Variants in DNAH14 observed in about 807,000 individuals in gnomAD.
DNAH14 encodes the protein dynein axonemal heavy chain 14.
Under a neutral mutation model 520.9 loss-of-function variants are expected in DNAH14, and 478 were observed. The ratio of observed to expected loss-of-function variants is 0.92; its 90% confidence interval spans 0.85 to 0.99. DNAH14 has a LOEUF of 0.99. Ranked by LOEUF, DNAH14 falls within the 50% of genes least tolerant of loss-of-function variation. The pLI, the probability that DNAH14 is intolerant of heterozygous loss-of-function variation, is 0.00. For missense variants in DNAH14, 4,831 were observed against 5,234.5 expected, an observed-to-expected ratio of 0.92 and a Z score of 2.38; for synonymous variants, 1,581 against 1,757.2, an observed-to-expected ratio of 0.90 and a Z score of 2.51.
intron 41 of DNAH14, among the ~76,000 whole-genome samples, chr1:225,229,321 G>T (rs1240196245): frequency 2.6e-5 from 4 of 152,214 alleles, no homozygotes; most frequent in Non-Finnish European, 5.9e-5. Context: ...CTGTTGGTGG[G>T]AGTGTAAATT....
At chr1:225,114,115 C>G (rs1176021845) in intron 23 of DNAH14, among the ~76,000 whole-genome samples, 1 of 152,154 alleles carries the variant, frequency 6.6e-6, no homozygotes, top group Admixed American at 6.5e-5. Flanking sequence ...CAGAATGTCT[C>G]AGAGTCTCAC....
chr1:225,389,974 C>A, intron 83 of DNAH14, 101 bp downstream of exon 83: 2 of 1,067,726 alleles, frequency 1.9e-6, no homozygotes. Context: ...AGGATGACAA[C>A]ACCTGCGCCT....
intron 27 of DNAH14, among the ~76,000 whole-genome samples, chr1:225,127,212 T>A (rs567209837): frequency 4.9e-4 from 74 of 152,320 alleles, no homozygotes; most frequent in African/African-American, 1.8e-3. Context: ...GTTCTGTAGA[T>A]GTCTATTAGG....
chr1:225,244,976 G>A (rs1406172343), intron 43 of DNAH14, among the ~76,000 whole-genome samples: 3 of 152,146 alleles, frequency 2.0e-5, no homozygotes, highest in East Asian at 1.9e-4. Context: ...GCTTTCTGAT[G>A]TGGGCACTTA....
chr1:225,119,681 A>G (rs562429252), intron 26 of DNAH14, among the ~76,000 whole-genome samples: 1 of 152,276 alleles, frequency 6.6e-6, no homozygotes, highest in East Asian at 1.9e-4. Context: ...AGGATTGTTT[A>G]CTTGGCTTAC....
At chr1:225,069,198 T>G (rs1443522425) in intron 17 of DNAH14, among the ~76,000 whole-genome samples, 1 of 152,178 alleles carries the variant, frequency 6.6e-6, no homozygotes, top group Non-Finnish European at 1.5e-5. Context: ...GCCCTTTATT[T>G]TTTTCTCTTG....
intron 54 of DNAH14, among the ~76,000 whole-genome samples, chr1:225,284,900 A>G (rs996206228): frequency 1.3e-5 from 2 of 152,190 alleles, no homozygotes; most frequent in African/African-American, 4.8e-5. Context: ...CAATAATCTC[A>G]GGAGATGCAG....
intron 49 of DNAH14, among the ~76,000 whole-genome samples, chr1:225,268,231 A>G (rs919056691): frequency 6.6e-6 from 1 of 152,232 alleles, no homozygotes; most frequent in Admixed American, 6.5e-5. Flanking sequence ...CAAAAACCAC[A>G]TGATTATCTC....
chr1:224,967,643 T>C, intron 6 of DNAH14, 60 bp downstream of exon 6: 1 of 1,597,700 alleles, frequency 6.3e-7, no homozygotes, highest in South Asian at 1.1e-5. Context: ...TTATCCAAGG[T>C]AGAATTTAAT....
chr1:225,354,241 A>G (rs1359901655), intron 73 of DNAH14: 1 of 701,882 alleles, frequency 1.4e-6, no homozygotes, highest in Non-Finnish European at 2.6e-6. Context: ...CTGTAGGGAG[A>G]GGCCAATGGC....
intron 41 of DNAH14, among the ~76,000 whole-genome samples, chr1:225,220,952 C>G (rs111635549): frequency 0.049 from 7,416 of 152,196 alleles, 283 homozygotes; most frequent in Non-Finnish European, 0.073. Flanking sequence ...GGTACCAAAA[C>G]AGATATATAG....
intron 8 of DNAH14, among the ~76,000 whole-genome samples, chr1:224,988,590 C>A (rs2062816998): frequency 6.6e-6 from 1 of 152,158 alleles, no homozygotes; most frequent in Non-Finnish European, 1.5e-5. Context: ...ACCAGAAATA[C>A]CATTTGACCC....
At chr1:225,264,148 T>G in intron 46 of DNAH14, 49 bp from the exon 47 acceptor site, 1 of 1,432,588 alleles carries the variant, frequency 7.0e-7, no homozygotes, top group South Asian at 1.3e-5. Flanking sequence ...TTAATATACC[T>G]ATTATGGTAA....
chr1:225,182,169 G>A (rs1315624879), intron 36 of DNAH14, among the ~76,000 whole-genome samples: 1 of 152,196 alleles, frequency 6.6e-6, no homozygotes, highest in East Asian at 1.9e-4. Flanking sequence ...TTGCACTCCA[G>A]CCTGGGCAAG....
intron 37 of DNAH14, 30 bp downstream of exon 37, chr1:225,185,455 C>G (rs1391654835): frequency 6.7e-7 from 1 of 1,494,734 alleles, no homozygotes; most frequent in Admixed American, 2.5e-5. Flanking sequence ...AAATGTTTCT[C>G]TATTTGTTCA....
intron 38 of DNAH14, among the ~76,000 whole-genome samples, chr1:225,200,079 A>G (rs2086632548): frequency 6.6e-6 from 1 of 152,200 alleles, no homozygotes; most frequent in African/African-American, 2.4e-5. Flanking sequence ...TTTTATCATT[A>G]TATAATGTCT....
At chr1:224,943,544 G>A (rs943728863) in intron 1 of DNAH14, among the ~76,000 whole-genome samples, 3 of 151,942 alleles carry the variant, frequency 2.0e-5, no homozygotes, top group African/African-American at 7.3e-5. Context: ...TAGCTTTTCA[G>A]TGTGTTTGCT....
chr1:225,272,862 T>C, intron 51 of DNAH14, 93 bp from the exon 52 acceptor site: 1 of 1,210,228 alleles, frequency 8.3e-7, no homozygotes, highest in Admixed American at 3.2e-5. Flanking sequence ...CTTCTATTTT[T>C]ATGGATCATA....
chr1:225,145,045 ATATAG>A (rs2079810098), intron 29 of DNAH14, among the ~76,000 whole-genome samples: 1 of 152,100 alleles, frequency 6.6e-6, no homozygotes. Context: ...AAAGCAAAGG[ATATAG>A]TTTGTGACCT....
Sources: gnomAD v4.1 joint callset for allele counts (sites outside exome capture counted in the v4.1 genomes callset) on GRCh38, gnomAD v4.1.1 for gene constraint, MANE v1.5 for transcripts, NCBI Gene and HGNC (gene_info 2026-07-23, HGNC 2026-07-21) for gene names.